Variants in AIG1 observed in about 807,000 individuals in gnomAD.
AIG1 encodes the protein androgen induced 1.
Under a neutral mutation model 31.4 loss-of-function variants are expected in AIG1, and 23 were observed. That is an observed-to-expected ratio of 0.73 (90% CI 0.53 to 1.04). The LOEUF is 1.04. Ranked by LOEUF, AIG1 falls within the 50% of genes least tolerant of loss-of-function variation. The probability of loss-of-function intolerance (pLI) is 0.00; values close to 1 mark genes in which losing one functional copy is unlikely to be tolerated. For synonymous variants in AIG1, 100 were observed against 110.5 expected (o/e 0.90, Z 0.60); for missense variants, 274 against 295.0 (o/e 0.93, Z 0.52).
intron 4 of AIG1, among the ~76,000 whole-genome samples, chr6:143,310,846 A>G (rs1480108650): frequency 6.6e-6 from 1 of 151,972 alleles, no homozygotes; most frequent in East Asian, 1.9e-4. Flanking sequence ...GATAATCTAG[A>G]TAAAATGGAT....
intron 3 of AIG1, among the ~76,000 whole-genome samples, chr6:143,266,537 G>C (rs1796170741): frequency 1.3e-5 from 2 of 152,110 alleles, no homozygotes; most frequent in South Asian, 2.1e-4. Flanking sequence ...ATATTAATTA[G>C]CTTGATTGTG....
intron 2 of AIG1, among the ~76,000 whole-genome samples, chr6:143,152,665 A>T (rs1785343678): frequency 6.6e-6 from 1 of 152,248 alleles, no homozygotes; most frequent in Non-Finnish European, 1.5e-5. Flanking sequence ...GTTAGTTATT[A>T]GAATGGTAAA....
At chr6:143,082,800 T>C (rs1299450524) in intron 1 of AIG1, among the ~76,000 whole-genome samples, 3 of 152,146 alleles carry the variant, frequency 2.0e-5, no homozygotes, top group Non-Finnish European at 4.4e-5. Context: ...CTTAGAGCTG[T>C]TCATGTTTTT....
Position 143,188,838 on chromosome 6 carries a change from T to C in AIG1, c.399+23655T>C, listed in dbSNP as rs1295603829. On this transcript the variant is annotated intron_variant, in intron 3 of 5. Transcript: ENST00000357847. Reference sequence around the variant, plus strand: ...AGCAACTTCCCAGAACATTCCTTTTTACACTGCCTGGGATTTTTCAATAAG... The same window carrying C: ...AGCAACTTCCCAGAACATTCCTTTTCACACTGCCTGGGATTTTTCAATAAG... The C allele has an allele frequency of 4.1e-6, 4 of 985,308 alleles. No individual in the cohort carries two copies. The South Asian group carries it at 1.9e-4, about 46-fold the overall frequency. The allele number at this position is 985,308 out of a possible 1,614,324, so 61.0% of individuals were successfully genotyped here.
intron 3 of AIG1, among the ~76,000 whole-genome samples, chr6:143,210,415 C>T (rs568426868): frequency 6.6e-6 from 1 of 152,278 alleles, no homozygotes; most frequent in East Asian, 1.9e-4. Flanking sequence ...TCATGATTCT[C>T]TCCCCAGAGC....
At chr6:143,137,023 A>C (rs754992671) in intron 2 of AIG1, 33 bp downstream of exon 2, 34 of 1,333,314 alleles carry the variant, frequency 2.6e-5, no homozygotes, top group Non-Finnish European at 3.2e-5. Flanking sequence ...TTAGCCACAA[A>C]AGAAACTTGG....
chr6:143,337,579 C>T (rs1385296404), intron 5 of AIG1, among the ~76,000 whole-genome samples: 2 of 152,190 alleles, frequency 1.3e-5, no homozygotes, highest in Admixed American at 6.5e-5. Flanking sequence ...ACCAGTCTTA[C>T]TAAAGCTACA....
chr6:143,311,504 A>G (rs1016312481), intron 4 of AIG1, among the ~76,000 whole-genome samples: 4 of 151,992 alleles, frequency 2.6e-5, no homozygotes, highest in Non-Finnish European at 5.9e-5. Context: ...AGGATGGTCA[A>G]CATTCAAATA....
At chr6:143,239,571 C>T (rs931295607) in intron 3 of AIG1, among the ~76,000 whole-genome samples, 3 of 152,198 alleles carry the variant, frequency 2.0e-5, no homozygotes, top group African/African-American at 7.2e-5. Flanking sequence ...CCTCTTTCAC[C>T]ACACGATCTT....
At chr6:143,261,453 G>A (rs1795776775) in intron 3 of AIG1, among the ~76,000 whole-genome samples, 1 of 152,172 alleles carries the variant, frequency 6.6e-6, no homozygotes, top group Non-Finnish European at 1.5e-5. Flanking sequence ...TTAGGTGTTG[G>A]CATTTTCCAG....
At chr6:143,220,282 T>C (rs1583544457) in intron 3 of AIG1, among the ~76,000 whole-genome samples, 1 of 152,218 alleles carries the variant, frequency 6.6e-6, no homozygotes, top group Admixed American at 6.5e-5. Flanking sequence ...TATTACTATG[T>C]ACATATGTAT....
At position 143,280,082 on chromosome 6, in the gene AIG1, G is replaced by C. The variant is rs919245785; in HGVS notation, c.400-4028G>C. ...TTTGTAACCATCTCATTTATCCAAGGTGGATCTACATCTACCTGAAAATAC... is the reference window on the plus strand; with the variant it reads ...TTTGTAACCATCTCATTTATCCAAGCTGGATCTACATCTACCTGAAAATAC... On this transcript the variant is annotated intron_variant, in intron 3 of 5. Transcript: ENST00000357847. This position sits in a 1 kb window ranked among gnomAD's most constrained non-coding sequence, Gnocchi z 4.1. 6.6e-6 allele frequency among the ~76,000 whole-genome samples: 1 copy of C among 152,166 alleles called. No individual in the cohort carries two copies. Among genetic ancestry groups the C allele is most frequent in the Non-Finnish European group, 1.5e-5 (1 of 68,030 alleles).
chr6:143,093,723 A>T (rs1779511056), intron 1 of AIG1, among the ~76,000 whole-genome samples: 1 of 152,100 alleles, frequency 6.6e-6, no homozygotes, highest in African/African-American at 2.4e-5. Context: ...TCCCTTGATC[A>T]CTTAGAGGCC....
intron 3 of AIG1, among the ~76,000 whole-genome samples, chr6:143,167,887 GT>G (rs1787114531): frequency 6.6e-6 from 1 of 152,158 alleles, no homozygotes; most frequent in Non-Finnish European, 1.5e-5. Context: ...CCAATTGATA[GT>G]TCCAGAATTA....
intron 4 of AIG1, among the ~76,000 whole-genome samples, chr6:143,317,312 C>A (rs562650968): frequency 6.6e-6 from 1 of 152,278 alleles, no homozygotes; most frequent in African/African-American, 2.4e-5. Flanking sequence ...CCACCATGAT[C>A]AAGTGTGTTT....
rs1436469695 is a variant in AIG1 at position 143,291,138 on chromosome 6, C to G, written c.515+6913C>G. Among the ~76,000 whole-genome samples the G allele has an allele frequency of 1.3e-5, 2 of 152,218 alleles. No individual in the cohort carries two copies. The highest frequency in any genetic ancestry group is 1.9e-4 in the East Asian group (1 of 5,172). On this transcript the variant is annotated intron_variant, in intron 4 of 5. Transcript: ENST00000357847. The surrounding 1 kb of genome is among the most constrained non-coding windows in gnomAD (Gnocchi z 4.2). ...GCCTTCCTTATATCTCCTATTTAAG[C>G]AAGGAAAAGAGTCTTGGAAGGATAT...
chr6:143,086,990 C>T (rs1390002807), intron 1 of AIG1, among the ~76,000 whole-genome samples: 4 of 152,128 alleles, frequency 2.6e-5, no homozygotes, highest in Admixed American at 6.5e-5. Context: ...GGCAGACCAA[C>T]GCTCCCAACC....
intron 1 of AIG1, among the ~76,000 whole-genome samples, chr6:143,096,033 A>AGTAAG (rs1779752370): frequency 6.6e-6 from 1 of 150,708 alleles, no homozygotes; most frequent in Admixed American, 6.7e-5. Context: ...CAGCCTCCCG[A>AGTAAG]GTAGCTGGGA....
intron 1 of AIG1, among the ~76,000 whole-genome samples, chr6:143,119,556 A>G (rs894915853): frequency 6.6e-6 from 1 of 152,196 alleles, no homozygotes; most frequent in Non-Finnish European, 1.5e-5. Context: ...TGGGCCTTAC[A>G]AAACTGTAGG....
Sources: allele counts gnomAD v4.1 joint callset (sites outside exome capture counted in the v4.1 genomes callset), GRCh38; gene constraint gnomAD v4.1.1; non-coding constraint Gnocchi (gnomAD v3.1); transcripts MANE v1.5; gene names NCBI Gene and HGNC (gene_info 2026-07-23, HGNC 2026-07-21).